Variants in COL24A1 observed in about 807,000 individuals in gnomAD.
COL24A1 encodes the protein collagen alpha-1(XXIV) chain.
A neutral mutation model predicts 253.9 loss-of-function variants in COL24A1; 224 were observed. The observed-to-expected ratio is 0.88, with a 90% CI of 0.79 to 0.99. COL24A1 has a LOEUF of 0.99. COL24A1 is among the 50% of genes least tolerant of loss of function. The pLI is 0.00. For synonymous variants in COL24A1, 685 were observed against 673.7 expected (o/e 1.02, Z -0.26); for missense variants, 2,131 against 2,068.5 (o/e 1.03, Z -0.59).
At chr1:85,934,997 A>G (rs577068523) in intron 24 of COL24A1, among the ~76,000 whole-genome samples, 69 of 152,198 alleles carry the variant, frequency 4.5e-4, no homozygotes, top group Middle Eastern at 3.4e-3. Context: ...CTGTGTTTCA[A>G]GATCCAGACA....
chr1:86,050,043 G>A, intron 11 of COL24A1, 81 bp downstream of exon 11: 1 of 1,207,386 alleles, frequency 8.3e-7, no homozygotes, highest in Non-Finnish European at 1.2e-6. Flanking sequence ...TTACTTCCCT[G>A]ACATCTGATT....
rs888784981 is a variant in COL24A1, at chr1:85,936,718, T to C, written c.2562+24531A>G. Among the ~76,000 whole-genome samples, 6 of 146,940 alleles carry C rather than the reference T, an allele frequency of 4.1e-5. 2 individuals are homozygous for C. ...CATGACCTGGCAGACCCTACGGTATTAGAGGAATCAATGGTGGAAAAATAA... is the reference window on the plus strand; with the variant it reads ...CATGACCTGGCAGACCCTACGGTATCAGAGGAATCAATGGTGGAAAAATAA... On this transcript the variant is annotated intron_variant, in intron 24 of 59. Coordinates refer to ENST00000370571, the MANE Select transcript of COL24A1 (RefSeq NM_152890.7).
At chr1:85,921,159 TG>T (rs1253256430) in intron 24 of COL24A1, among the ~76,000 whole-genome samples, 1 of 152,100 alleles carries the variant, frequency 6.6e-6, no homozygotes, top group African/African-American at 2.4e-5. Flanking sequence ...TGCAAGGGGT[TG>T]GGGGACTTCC....
chr1:85,791,314 G>A (rs540019068), intron 47 of COL24A1, among the ~76,000 whole-genome samples: 1 of 152,118 alleles, frequency 6.6e-6, no homozygotes, highest in South Asian at 2.1e-4. Flanking sequence ...AGTCTGTGGG[G>A]TAACTGCAAG....
chr1:86,148,697 G>A (rs969725521), intron 1 of COL24A1, among the ~76,000 whole-genome samples: 1 of 152,178 alleles, frequency 6.6e-6, no homozygotes, highest in African/African-American at 2.4e-5. Flanking sequence ...TCTCATGGCT[G>A]CATAGTATTC....
intron 10 of COL24A1, among the ~76,000 whole-genome samples, chr1:86,053,881 A>C (rs1280888662): frequency 6.6e-6 from 1 of 152,176 alleles, no homozygotes; most frequent in Non-Finnish European, 1.5e-5. Flanking sequence ...TACCAGTAAC[A>C]GGACACAAAT....
chr1:86,053,008 T>G (rs1424394666), intron 10 of COL24A1, among the ~76,000 whole-genome samples: 1 of 152,036 alleles, frequency 6.6e-6, no homozygotes, highest in African/African-American at 2.4e-5. Context: ...ATTTGTTCCT[T>G]TATACATAAC....
At chr1:85,787,675 G>A (rs528948664) in intron 47 of COL24A1, among the ~76,000 whole-genome samples, 3 of 152,068 alleles carry the variant, frequency 2.0e-5, no homozygotes, top group East Asian at 1.9e-4. Flanking sequence ...ATGAACATAC[G>A]CGTGCATGTA....
chr1:85,848,522 C>T (rs886228233), intron 38 of COL24A1, among the ~76,000 whole-genome samples: 1 of 152,124 alleles, frequency 6.6e-6, no homozygotes, highest in Non-Finnish European at 1.5e-5. Context: ...GTTGGCCAGG[C>T]TGGTTTCGAT....
intron 6 of COL24A1, 24 bp from the exon 7 acceptor site, chr1:86,089,251 AAT>A (rs1460521769): frequency 6.5e-7 from 1 of 1,544,886 alleles, no homozygotes; most frequent in Non-Finnish European, 8.7e-7. Context: ...ACAGACGTTT[AAT>A]GTCATGAAAG....
chr1:86,089,196 G>C lies in COL24A1; in HGVS notation c.1685C>G (p.Pro562Arg). Residue 562 changes from proline to arginine, a missense_variant, in exon 7 of 60, where the codon CCC (proline) becomes CGC (arginine). By Grantham distance (103) the Pro-to-Arg change is moderately radical. Transcript: ENST00000370571. ...GDQGLSGLMG[P>R]PGMQGDKGLK... ...TACCTTATCACCTTGCATACCAGGG[G>C]GGCCCATTAATCCAGAAAGGCCTTG... 2 of 1,585,248 alleles carry C rather than the reference G, an allele frequency of 1.3e-6. No individual in the cohort carries two copies. The highest frequency in any genetic ancestry group is 1.7e-6 in the Non-Finnish European group (2 of 1,172,454).
At chr1:86,023,537 C>T (rs1170073377) in intron 14 of COL24A1, among the ~76,000 whole-genome samples, 1 of 152,084 alleles carries the variant, frequency 6.6e-6, no homozygotes, top group Non-Finnish European at 1.5e-5. Context: ...ACAAAAAGCT[C>T]TACTCTTCTG....
chr1:85,933,110 GAA>G (rs202030543), intron 24 of COL24A1, among the ~76,000 whole-genome samples: 97 of 66,570 alleles, frequency 1.5e-3, no homozygotes, highest in African/African-American at 3.7e-3. Context: ...AAGAAAGAAA[GAA>G]AAAAAAAAGA....
intron 8 of COL24A1, among the ~76,000 whole-genome samples, chr1:86,062,652 AT>A (rs1347448779): frequency 1.3e-5 from 2 of 151,862 alleles, no homozygotes; most frequent in Non-Finnish European, 2.9e-5. Context: ...GTAACCTACA[AT>A]TTTTTTCTCC....
intron 20 of COL24A1, among the ~76,000 whole-genome samples, chr1:85,978,808 T>TGAACAAAA (rs1692954913): frequency 6.6e-6 from 1 of 152,080 alleles, no homozygotes; most frequent in Non-Finnish European, 1.5e-5. Flanking sequence ...ACAAAGAAAG[T>TGAACAAAA]GAACTTCATC....
chr1:85,916,994 C>T (rs140304204), intron 24 of COL24A1, among the ~76,000 whole-genome samples: 1,648 of 152,252 alleles, frequency 0.011, 17 homozygotes, highest in Middle Eastern at 0.02. Context: ...GAATCATCGG[C>T]ATTATCAGTA....
At chr1:86,010,051 C>A (rs538419985) in intron 19 of COL24A1, among the ~76,000 whole-genome samples, 1 of 152,088 alleles carries the variant, frequency 6.6e-6, no homozygotes, top group South Asian at 2.1e-4. Flanking sequence ...TCACAACATT[C>A]ACACACACAA....
At chr1:85,903,567 C>G (rs987358233) in intron 28 of COL24A1, among the ~76,000 whole-genome samples, 1 of 152,130 alleles carries the variant, frequency 6.6e-6, no homozygotes, top group East Asian at 1.9e-4. Flanking sequence ...AGTAACTATG[C>G]TGGCTAAAGA....
chr1:85,896,615 C>G (rs547375869), intron 28 of COL24A1, among the ~76,000 whole-genome samples: 2 of 152,104 alleles, frequency 1.3e-5, no homozygotes, highest in African/African-American at 4.8e-5. Context: ...CTGCCTCAGC[C>G]TCCCCCTGAG....
Sources: allele counts gnomAD v4.1 joint callset (sites outside exome capture counted in the v4.1 genomes callset), GRCh38; gene constraint gnomAD v4.1.1; transcripts MANE v1.5; gene names NCBI Gene and HGNC (gene_info 2026-07-23, HGNC 2026-07-21).